The following DPYD variants were observed in gnomAD, a reference collection of about 807,000 sequenced individuals.
DPYD encodes the protein dihydropyrimidine dehydrogenase [NADP(+)].
In DPYD, 109 loss-of-function variants were observed where a neutral mutation model predicts 116.2. The ratio of observed to expected loss-of-function variants is 0.94; its 90% confidence interval spans 0.80 to 1.10. DPYD has a LOEUF of 1.10. Among genes scored for constraint, DPYD ranks in the 50% least tolerant of loss-of-function variants. The pLI, the probability that DPYD is intolerant of heterozygous loss-of-function variation, is 0.00. For missense variants in DPYD, 1,302 were observed against 1,254.5 expected, an observed-to-expected ratio of 1.04 and a Z score of -0.57; for synonymous variants, 440 against 432.0, an observed-to-expected ratio of 1.02 and a Z score of -0.23.
intron 3 of DPYD, among the ~76,000 whole-genome samples, chr1:97,806,512 C>T (rs1668085573): frequency 2.6e-5 from 4 of 151,632 alleles, no homozygotes; most frequent in Admixed American, 1.3e-4. Context: ...TACATACTTC[C>T]TTTTTTAGAA....
At chr1:97,774,040 A>C (rs1400960083) in intron 3 of DPYD, among the ~76,000 whole-genome samples, 4 of 152,224 alleles carry the variant, frequency 2.6e-5, no homozygotes, top group Admixed American at 2.0e-4. Flanking sequence ...TGGGAGCCGT[A>C]AACACCCAAC....
intron 14 of DPYD, among the ~76,000 whole-genome samples, chr1:97,421,904 G>C (rs193236706): frequency 2.0e-5 from 3 of 152,254 alleles, no homozygotes; most frequent in South Asian, 2.1e-4. Context: ...GAAATGGTAC[G>C]AGTGAAATAG....
intron 16 of DPYD, among the ~76,000 whole-genome samples, chr1:97,329,084 G>C (rs1668849783): frequency 1.3e-5 from 2 of 152,080 alleles, no homozygotes; most frequent in African/African-American, 2.4e-5. Flanking sequence ...CAATTTGGTA[G>C]GATGAACTTA....
At chr1:97,898,572 T>C (rs1343152598) in intron 1 of DPYD, among the ~76,000 whole-genome samples, 1 of 152,000 alleles carries the variant, frequency 6.6e-6, no homozygotes, top group African/African-American at 2.4e-5. Flanking sequence ...TATATTTTGT[T>C]TCTTTTTTAT....
intron 3 of DPYD, among the ~76,000 whole-genome samples, chr1:97,789,766 C>T (rs941372550): frequency 4.6e-5 from 7 of 152,104 alleles, no homozygotes; most frequent in Admixed American, 1.3e-4. Flanking sequence ...CTTAGATATA[C>T]CTCCTGAAAG....
At chr1:97,487,785 A>C (rs2101896474) in intron 13 of DPYD, among the ~76,000 whole-genome samples, 1 of 152,366 alleles carries the variant, frequency 6.6e-6, no homozygotes, top group African/African-American at 2.4e-5. Flanking sequence ...AGTACTGGCA[A>C]GAATGTGGAA....
At chr1:97,742,636 CA>C (rs1259214160) in intron 3 of DPYD, among the ~76,000 whole-genome samples, 1 of 152,040 alleles carries the variant, frequency 6.6e-6, no homozygotes, top group Non-Finnish European at 1.5e-5. Context: ...GCAAACAATA[CA>C]AAAAGCTCCA....
At chr1:97,767,459 T>C (rs1444047189) in intron 3 of DPYD, among the ~76,000 whole-genome samples, 1 of 144,108 alleles carries the variant, frequency 6.9e-6, no homozygotes, top group Non-Finnish European at 1.5e-5. Context: ...GGTATGCTCA[T>C]TCTGAACCTC....
chr1:97,518,336 T>A (rs1648383360), intron 12 of DPYD, among the ~76,000 whole-genome samples: 1 of 152,138 alleles, frequency 6.6e-6, no homozygotes, highest in Admixed American at 6.6e-5. Context: ...TTTTTCATAC[T>A]GTGCAACACA....
intron 13 of DPYD, among the ~76,000 whole-genome samples, chr1:97,470,011 A>G (rs556302675): frequency 2.0e-5 from 3 of 152,330 alleles, no homozygotes; most frequent in South Asian, 2.1e-4. Context: ...TATAGACATA[A>G]GCAGATCATA....
chr1:97,751,429 C>CGTGTGTGT (rs564067118), intron 3 of DPYD, among the ~76,000 whole-genome samples: 63 of 53,058 alleles, frequency 1.2e-3, no homozygotes, highest in East Asian at 2.4e-3. Flanking sequence ...TATATGTATA[C>CGTGTGTGT]GTGTGTGTGT....
intron 10 of DPYD, 139 bp downstream of exon 10, chr1:97,593,079 A>C: frequency 1.0e-6 from 1 of 982,374 alleles, no homozygotes; most frequent in Non-Finnish European, 1.5e-6. Context: ...GAATTAGAAA[A>C]GAAACAATTA....
At chr1:97,736,263 C>A (rs1663935016) in intron 4 of DPYD, among the ~76,000 whole-genome samples, 1 of 151,662 alleles carries the variant, frequency 6.6e-6, no homozygotes, top group Non-Finnish European at 1.5e-5. Context: ...TAAAAGGCCC[C>A]AAAATGGTAA....
intron 9 of DPYD, 104 bp downstream of exon 9, chr1:97,594,955 G>A (rs1302966673): frequency 2.2e-6 from 2 of 901,206 alleles, no homozygotes; most frequent in Admixed American, 2.0e-5. Flanking sequence ...GGCAAGGTTG[G>A]GTGTGAGAGC....
chr1:97,589,811 G>T (rs1328364773), intron 10 of DPYD, among the ~76,000 whole-genome samples: 1 of 152,058 alleles, frequency 6.6e-6, no homozygotes, highest in Non-Finnish European at 1.5e-5. Flanking sequence ...ACACCCAAGA[G>T]TCCATGACCA....
chr1:97,428,142 G>T (rs1570718108), intron 14 of DPYD, among the ~76,000 whole-genome samples: 1 of 152,106 alleles, frequency 6.6e-6, no homozygotes, highest in Non-Finnish European at 1.5e-5. Context: ...CAGAAGTGTA[G>T]TATCTCTAGG....
intron 3 of DPYD, among the ~76,000 whole-genome samples, chr1:97,805,229 T>C (rs1668024480): frequency 6.6e-6 from 1 of 151,722 alleles, no homozygotes; most frequent in Non-Finnish European, 1.5e-5. Flanking sequence ...AAACTGTAAG[T>C]TTGAGATTCA....
rs1553189279 is a variant in DPYD, at chr1:97,525,978, A to AGTCTGTGT, written c.1525-10038_1525-10037insACACAGAC. On this transcript the variant is annotated intron_variant, in intron 12 of 22. Transcript: ENST00000370192. ...TAAGTAATTGCCCTGGGTAATTAAG[A>AGTCTGTGT]GTGTGTGTGTGTGTGTGTGTGTGTG... 7.2e-5 allele frequency among the ~76,000 whole-genome samples: 10 copies of AGTCTGTGT among 138,226 alleles called. No individual in the cohort carries two copies. In the East Asian group the frequency reaches 2.2e-3, roughly 30 times the overall value. The allele number at this position is 138,226 out of a possible 152,430, so 90.7% of individuals were successfully genotyped here.
At chr1:97,848,555 G>A (rs1670419269) in intron 2 of DPYD, among the ~76,000 whole-genome samples, 1 of 152,144 alleles carries the variant, frequency 6.6e-6, no homozygotes, top group Admixed American at 6.5e-5. Context: ...TATGTTATTA[G>A]GGCAACAGAT....
Sources: gnomAD v4.1 joint callset for allele counts (sites outside exome capture counted in the v4.1 genomes callset) on GRCh38, gnomAD v4.1.1 for gene constraint, MANE v1.5 for transcripts, NCBI Gene and HGNC (gene_info 2026-07-23, HGNC 2026-07-21) for gene names.